PLCH1: variants seen among roughly 807,000 people sequenced by gnomAD.
PLCH1 encodes the protein 1-phosphatidylinositol 4,5-bisphosphate phosphodiesterase eta-1.
A neutral mutation model predicts 126.7 loss-of-function variants in PLCH1; 60 were observed. The observed-to-expected ratio is 0.47, with a 90% CI of 0.38 to 0.59. PLCH1 has a LOEUF of 0.59. Ranked by LOEUF, PLCH1 falls within the 20% of genes least tolerant of loss-of-function variation. The pLI, the probability that PLCH1 is intolerant of heterozygous loss-of-function variation, is 0.00. For synonymous variants in PLCH1, 719 were observed against 734.9 expected (o/e 0.98, Z 0.35); for missense variants, 1,723 against 2,040.0 (o/e 0.84, Z 2.99).
Position 155,675,959 on chromosome 3 carries a change from T to A in PLCH1, c.79+28187A>T, listed in dbSNP as rs577434579. On this transcript the variant is annotated intron_variant, in intron 2 of 22. Transcript: ENST00000460012. ...AATGTTTACCATCTTTTACTAGGACTATTACACTTACCTTAAAATTAGTAG... is the reference window on the plus strand; with the variant it reads ...AATGTTTACCATCTTTTACTAGGACAATTACACTTACCTTAAAATTAGTAG... 2.7e-5 allele frequency: 29 copies of A among 1,090,512 alleles called. 4 individuals are homozygous for A. The South Asian group carries it at 3.9e-4, about 15-fold the overall frequency. 67.6% of individuals were successfully genotyped at this position (1,090,512 alleles called of 1,614,324 possible). A position where few individuals can be genotyped will look rare whatever the true frequency, so the allele number is the denominator to read the frequency against.
intron 1 of PLCH1, among the ~76,000 whole-genome samples, chr3:155,741,976 T>C (rs1016856377): frequency 2.0e-5 from 3 of 152,192 alleles, no homozygotes; most frequent in Non-Finnish European, 4.4e-5. Flanking sequence ...CTATCCTAGA[T>C]GTACAGCCTT....
At chr3:155,732,026 C>T (rs535268230) in intron 1 of PLCH1, among the ~76,000 whole-genome samples, 1 of 148,872 alleles carries the variant, frequency 6.7e-6, no homozygotes, top group Non-Finnish European at 1.5e-5. Context: ...AACATGACAC[C>T]TCCAACTGAA....
intron 21 of PLCH1, among the ~76,000 whole-genome samples, chr3:155,470,018 C>T (rs940281173): frequency 3.3e-5 from 5 of 152,238 alleles, no homozygotes; most frequent in East Asian, 1.9e-4. Context: ...ACGCAGAACG[C>T]CTCTCCTCCT....
At chr3:155,649,856 C>T (rs1034947914) in intron 2 of PLCH1, among the ~76,000 whole-genome samples, 2 of 152,104 alleles carry the variant, frequency 1.3e-5, no homozygotes, top group Admixed American at 6.5e-5. Flanking sequence ...TGGGCGCCTG[C>T]AGTCCCAGCT....
intron 21 of PLCH1, among the ~76,000 whole-genome samples, chr3:155,455,394 T>A (rs1712414599): frequency 6.6e-6 from 1 of 152,194 alleles, no homozygotes; most frequent in African/African-American, 2.4e-5. Context: ...GAATTTGATC[T>A]GAACTGGCAT....
intron 2 of PLCH1, among the ~76,000 whole-genome samples, chr3:155,701,729 C>T (rs923168731): frequency 3.9e-5 from 6 of 152,172 alleles, no homozygotes; most frequent in African/African-American, 1.4e-4. Context: ...AAATCCTCTA[C>T]AAAGACATTA....
intron 2 of PLCH1, among the ~76,000 whole-genome samples, chr3:155,663,407 ATCAC>A (rs1742395624): frequency 6.6e-6 from 1 of 151,306 alleles, no homozygotes; most frequent in African/African-American, 2.5e-5. Flanking sequence ...ACCTAATTCT[ATCAC>A]TAACTAACTG....
chr3:155,637,044 A>T lies in PLCH1; in HGVS notation c.80-40666T>A, dbSNP rs140225012. ...CTGGAAATTGGAACAACAACAAAAC[A>T]GTCATTCACTAGAGATAGATCACCC... On this transcript the variant is annotated intron_variant, in intron 2 of 22. Transcript: ENST00000460012. Among the ~76,000 whole-genome samples the T allele has an allele frequency of 5.1e-3, 775 of 152,308 alleles. 8 individuals carry two copies. The highest frequency in any genetic ancestry group is 0.018 in the African/African-American group (739 of 41,552).
intron 1 of PLCH1, among the ~76,000 whole-genome samples, chr3:155,718,607 G>T (rs1292475522): frequency 6.6e-6 from 1 of 152,156 alleles, no homozygotes; most frequent in Non-Finnish European, 1.5e-5. Flanking sequence ...TGAAGCAAAA[G>T]CAGGTGTCTC....
intron 21 of PLCH1, among the ~76,000 whole-genome samples, chr3:155,454,881 C>T (rs994363152): frequency 7.2e-5 from 11 of 152,126 alleles, no homozygotes; most frequent in Admixed American, 1.3e-4. Flanking sequence ...GCTGGTCCCC[C>T]TGTTACACAT....
At chr3:155,729,461 T>G (rs1241413928) in intron 1 of PLCH1, among the ~76,000 whole-genome samples, 1 of 151,980 alleles carries the variant, frequency 6.6e-6, no homozygotes, top group East Asian at 1.9e-4. Flanking sequence ...TGTCAAAGGA[T>G]GAGTAGGTTT....
chr3:155,500,686 T>C lies in PLCH1; in HGVS notation c.1796+17A>G, dbSNP rs1560075931. On this transcript the variant is annotated intron_variant, in intron 14 of 22. Coordinates refer to ENST00000460012, the MANE Select transcript of PLCH1 (RefSeq NM_014996.4). ...GCCTCAGGAGTGTGAGTAGGAAACA[T>C]GGAGATGCTTTCTTACCTGTACAGC... is the stretch of plus-strand genomic sequence containing the variant. 6 of 1,519,404 alleles carry C rather than the reference T, an allele frequency of 3.9e-6. No individual in the cohort carries two copies. The highest frequency in any genetic ancestry group is 1.4e-5 in the African/African-American group (1 of 72,946). 94.1% of individuals were successfully genotyped at this position (1,519,404 alleles called of 1,614,324 possible). A position where few individuals can be genotyped will look rare whatever the true frequency, so the allele number is the denominator to read the frequency against.
At chr3:155,570,036 C>T (rs1004579236) in intron 6 of PLCH1, among the ~76,000 whole-genome samples, 2 of 151,828 alleles carry the variant, frequency 1.3e-5, no homozygotes, top group Non-Finnish European at 2.9e-5. Context: ...TTCTGGCCAC[C>T]GTAGAAGAAT....
intron 5 of PLCH1, among the ~76,000 whole-genome samples, chr3:155,584,194 T>A (rs1428628425): frequency 6.6e-6 from 1 of 152,132 alleles, no homozygotes; most frequent in African/African-American, 2.4e-5. Context: ...CAAAGCCCGA[T>A]TTCTAAAGAA....
chr3:155,487,399 C>T (rs1576801994), intron 21 of PLCH1, among the ~76,000 whole-genome samples: 1 of 152,272 alleles, frequency 6.6e-6, no homozygotes, highest in East Asian at 1.9e-4. Flanking sequence ...ATACTGGTAA[C>T]CAAGTCCCCA....
chr3:155,482,224 C>T lies in PLCH1; in HGVS notation c.3802G>A (p.Glu1268Lys), dbSNP rs1417591220. 1 of 1,614,168 alleles carries T rather than the reference C, an allele frequency of 6.2e-7. No homozygotes were observed. Among genetic ancestry groups the T allele is most frequent in the East Asian group, 2.2e-5 (1 of 44,890 alleles). Residue 1268 changes from glutamate (E) to lysine (K), a missense_variant, in exon 23 of 23, where the codon GAA (glutamate) becomes AAA (lysine). Around this residue, in one of 2 missense-constraint regions of PLCH1, gnomAD observed 947 missense variants for 977.1 expected, o/e 0.97. Transcript: ENST00000460012. ...TTAGAGATGGGAGTGCAGGTAGTTT[C>T]ATAAACTGTGTTCGTTGCATGTTTG... is the stretch of plus-strand genomic sequence containing the variant. ...TTKHATNTVY[E>K]TTCTPISKTK...
chr3:155,485,577 G>C lies in PLCH1; in HGVS notation c.2753C>G (p.Ala918Gly), dbSNP rs774886568. The change falls in exon 22 of 23, where the codon GCC becomes GGC. Residue 918 changes from alanine (A) to glycine (G), a missense_variant. Transcript: ENST00000460012. ...CATTTTGCTCTTTTTCCTGCCTTTG[G>C]CTGGGGCGCTAGCTGTGCGTCGCAG... ...RILRRTASAPAKGRKKSKMGF... is the reference protein window; with the variant it reads ...RILRRTASAPGKGRKKSKMGF... 3.2e-5 allele frequency: 51 copies of C among 1,613,912 alleles called. No individual in the cohort carries two copies. Among genetic ancestry groups the C allele is most frequent in the Non-Finnish European group, 4.2e-5 (50 of 1,180,008 alleles).
intron 8 of PLCH1, among the ~76,000 whole-genome samples, chr3:155,560,657 T>C (rs1185188680): frequency 6.6e-6 from 1 of 152,200 alleles, no homozygotes; most frequent in Non-Finnish European, 1.5e-5. Context: ...AGAAACTATC[T>C]GACAAAGAAA....
At chr3:155,478,313 G>A (rs1250989088), downstream of PLCH1, among the ~76,000 whole-genome samples, 1 of 152,038 alleles carries the variant, frequency 6.6e-6, no homozygotes, top group Non-Finnish European at 1.5e-5. Flanking sequence ...TAGAAAGAAT[G>A]AATAAGACCT....
Sources: gnomAD v4.1 joint callset for allele counts (sites outside exome capture counted in the v4.1 genomes callset) on GRCh38, gnomAD v4.1.1 for gene constraint, gnomAD v4.1.1 regional missense constraint, MANE v1.5 for transcripts, NCBI Gene and HGNC (gene_info 2026-07-23, HGNC 2026-07-21) for gene names.